The following MYO1E variants were observed in gnomAD, a reference collection of about 807,000 sequenced individuals.
MYO1E encodes myosin IE.
Under a neutral mutation model 151.1 loss-of-function variants are expected in MYO1E, and 68 were observed. That is an observed-to-expected ratio of 0.45 (90% CI 0.37 to 0.55). The LOEUF (loss-of-function observed/expected upper bound fraction) is 0.55. Ranked by LOEUF, MYO1E falls within the 20% of genes least tolerant of loss-of-function variation. The pLI is 0.00. For synonymous variants in MYO1E, 601 were observed against 501.7 expected (o/e 1.20, Z -2.64); for missense variants, 1,363 against 1,389.3 (o/e 0.98, Z 0.30).
rs575955232 is a variant in MYO1E, at chr15:59,372,478, A to G, written c.3+20T>C. 2 of 1,538,218 alleles carry G rather than the reference A, an allele frequency of 1.3e-6. No homozygotes were observed. The highest frequency in any genetic ancestry group is 1.4e-5 in the African/African-American group (1 of 72,800). On this transcript the variant is annotated intron_variant, in intron 1 of 27. Coordinates refer to ENST00000288235, the MANE Select transcript of MYO1E (RefSeq NM_004998.4). ...CCGTCCCCGGGTCCGGCGTCCTAGG[A>G]CGCGGCGCGGCCAACTCACCATGGT...
intron 12 of MYO1E, among the ~76,000 whole-genome samples, chr15:59,213,842 G>A (rs1182212383): frequency 6.6e-6 from 1 of 152,168 alleles, no homozygotes; most frequent in African/African-American, 2.4e-5. Flanking sequence ...AAAAATGCAC[G>A]TATTGTTAGG....
chr15:59,316,445 T>A (rs1259846842), intron 1 of MYO1E, among the ~76,000 whole-genome samples: 1 of 152,076 alleles, frequency 6.6e-6, no homozygotes, highest in East Asian at 1.9e-4. Flanking sequence ...CCAAAAAAAT[T>A]TGTGGGCAGC....
intron 4 of MYO1E, among the ~76,000 whole-genome samples, chr15:59,255,416 A>ATGGAGTCTCACTCTGTCACTCAGGC (rs530939813): frequency 1.2e-3 from 180 of 151,922 alleles, no homozygotes; most frequent in African/African-American, 4.1e-3. Context: ...TTTTTTCAAG[A>ATGGAGTCTCACTCTGTCACTCAGGC]TGGAGTCTCA....
rs2080561379 is a variant in MYO1E at position 59,312,871 on chromosome 15, A to AATG, written c.4-40423_4-40422insCAT. 2.0e-5 allele frequency among the ~76,000 whole-genome samples: 3 copies of AATG among 151,742 alleles called. No homozygotes were observed. In the South Asian group the frequency reaches 6.2e-4, roughly 32 times the overall value. ...CGACTCTACTAAAAATAATAATAAT[A>AATG]ATAATAATAATACAAAAAATTAGCC... On this transcript the variant is annotated intron_variant, in intron 1 of 27. Transcript: ENST00000288235.
At chr15:59,215,263 G>A (rs549894989) in intron 10 of MYO1E, among the ~76,000 whole-genome samples, 1 of 152,266 alleles carries the variant, frequency 6.6e-6, no homozygotes, top group South Asian at 2.1e-4. Flanking sequence ...AGCAGCTTAC[G>A]TCTATTAAAC....
At chr15:59,210,998 G>T (rs779099573) in intron 12 of MYO1E, among the ~76,000 whole-genome samples, 1 of 152,008 alleles carries the variant, frequency 6.6e-6, no homozygotes, top group Non-Finnish European at 1.5e-5. Flanking sequence ...TCAGGAGTTC[G>T]AGACCATCGT....
intron 2 of MYO1E, among the ~76,000 whole-genome samples, chr15:59,263,852 T>C (rs1281584315): frequency 6.6e-6 from 1 of 152,152 alleles, no homozygotes; most frequent in Non-Finnish European, 1.5e-5. Flanking sequence ...GTATTCCCAA[T>C]TGCCAAAGTC....
intron 26 of MYO1E, 23 bp downstream of exon 26, chr15:59,153,566 AT>A: frequency 6.2e-7 from 1 of 1,611,858 alleles, no homozygotes; most frequent in Non-Finnish European, 8.5e-7. Context: ...TGCCGGCTTC[AT>A]CCAGAGGATG....
chr15:59,343,211 T>C (rs1452021031), intron 1 of MYO1E, among the ~76,000 whole-genome samples: 1 of 152,184 alleles, frequency 6.6e-6, no homozygotes, highest in Non-Finnish European at 1.5e-5. Flanking sequence ...GATAAATCCC[T>C]CAGCTTTTGT....
chr15:59,145,026 A>G (rs768207201), intron 26 of MYO1E, among the ~76,000 whole-genome samples: 1 of 152,036 alleles, frequency 6.6e-6, no homozygotes, highest in Non-Finnish European at 1.5e-5. Flanking sequence ...TATTTTTAGT[A>G]GAGATGGGGT....
At chr15:59,262,964 G>C (rs1181474236) in intron 2 of MYO1E, among the ~76,000 whole-genome samples, 1 of 151,872 alleles carries the variant, frequency 6.6e-6, no homozygotes, top group Non-Finnish European at 1.5e-5. Flanking sequence ...AAAATAAATA[G>C]AATATATATA....
chr15:59,209,714 G>A (rs1309347002), intron 13 of MYO1E, among the ~76,000 whole-genome samples: 3 of 147,352 alleles, frequency 2.0e-5, no homozygotes, highest in Non-Finnish European at 3.0e-5. Flanking sequence ...AAATAAATAA[G>A]TTGTCTACGG....
intron 6 of MYO1E, 56 bp from the exon 7 acceptor site, chr15:59,227,646 A>C (rs576250596): frequency 6.2e-5 from 99 of 1,599,658 alleles, no homozygotes; most frequent in Non-Finnish European, 8.0e-5. Flanking sequence ...ATGATGTCCC[A>C]AACAGGCTTT....
At chr15:59,164,828 C>T (rs1260481204) in intron 22 of MYO1E, among the ~76,000 whole-genome samples, 1 of 152,180 alleles carries the variant, frequency 6.6e-6, no homozygotes, top group African/African-American at 2.4e-5. Flanking sequence ...GTAGCTGTAG[C>T]CACAGCCTCT....
At chr15:59,196,330 T>C (rs1476495161) in intron 16 of MYO1E, among the ~76,000 whole-genome samples, 1 of 152,178 alleles carries the variant, frequency 6.6e-6, no homozygotes, top group Admixed American at 6.5e-5. Flanking sequence ...AAATTGCTTA[T>C]GAAGTATTTT....
chr15:59,183,095 C>T (rs565102224), intron 18 of MYO1E, among the ~76,000 whole-genome samples: 65 of 152,178 alleles, frequency 4.3e-4, no homozygotes, highest in Non-Finnish European at 5.0e-4. Flanking sequence ...TACTGTAAGG[C>T]CCAGTTCCTA....
chr15:59,168,768 G>A (rs1205027103), intron 22 of MYO1E, among the ~76,000 whole-genome samples: 2 of 151,950 alleles, frequency 1.3e-5, no homozygotes, highest in African/African-American at 2.4e-5. Flanking sequence ...CCACGGGCAC[G>A]TACCACCACT....
chr15:59,291,682 TAAAAAA>T (rs1182076268), intron 1 of MYO1E, among the ~76,000 whole-genome samples: 1 of 7,804 alleles, frequency 1.3e-4, no homozygotes, highest in African/African-American at 2.7e-4. Flanking sequence ...CTAAAAATAC[TAAAAAA>T]AAAAAAAAAA....
intron 1 of MYO1E, among the ~76,000 whole-genome samples, chr15:59,327,405 C>T (rs973121286): frequency 2.6e-5 from 4 of 151,844 alleles, no homozygotes; most frequent in South Asian, 2.1e-4. Flanking sequence ...ACCTCCCAGG[C>T]TCAAGCAATC....
Sources: gnomAD v4.1 joint callset for allele counts (sites outside exome capture counted in the v4.1 genomes callset) on GRCh38, gnomAD v4.1.1 for gene constraint, MANE v1.5 for transcripts, NCBI Gene and HGNC (gene_info 2026-07-23, HGNC 2026-07-21) for gene names.